Variants in FOXN3 observed in about 807,000 individuals in gnomAD.
The protein encoded by FOXN3 is forkhead box N3, also known as forkhead box protein N3.
In FOXN3, 7 loss-of-function variants were observed where a neutral mutation model predicts 38.4. The ratio of observed to expected loss-of-function variants is 0.18; its 90% CI spans 0.10 to 0.34. FOXN3 has a LOEUF of 0.34. Among genes scored for constraint, FOXN3 ranks in the 10% least tolerant of loss-of-function variants. FOXN3 has a pLI of 1.00. For synonymous variants in FOXN3, 230 were observed against 242.2 expected (o/e 0.95, Z 0.47); for missense variants, 456 against 613.4 (o/e 0.74, Z 2.71).
chr14:89,333,510 T>G (rs1478595878), intron 3 of FOXN3, among the ~76,000 whole-genome samples: 1 of 150,788 alleles, frequency 6.6e-6, no homozygotes, highest in Non-Finnish European at 1.5e-5. Flanking sequence ...GTGTGGTGGC[T>G]CATGCCTGTA....
intron 1 of FOXN3, among the ~76,000 whole-genome samples, chr14:89,482,680 G>A (rs879633406): frequency 5.3e-5 from 8 of 151,980 alleles, no homozygotes; most frequent in East Asian, 3.8e-4. Context: ...AGGCTGAGGC[G>A]GGTGGATCAC....
intron 4 of FOXN3, among the ~76,000 whole-genome samples, chr14:89,217,760 A>G (rs1441365879): frequency 6.6e-6 from 1 of 152,136 alleles, no homozygotes; most frequent in Non-Finnish European, 1.5e-5. Context: ...GTCCCAACAA[A>G]CTACCAAAGG....
intron 1 of FOXN3, among the ~76,000 whole-genome samples, chr14:89,473,984 A>C (rs1893160882): frequency 6.6e-6 from 1 of 152,250 alleles, no homozygotes; most frequent in South Asian, 2.1e-4. Context: ...ACATCAAAAC[A>C]CATATGTCTT....
chr14:89,503,904 G>A (rs745342694), intron 1 of FOXN3, among the ~76,000 whole-genome samples: 4 of 152,192 alleles, frequency 2.6e-5, no homozygotes, highest in Non-Finnish European at 5.9e-5. Flanking sequence ...CAGATGCGAC[G>A]CCATGAAACA....
At chr14:89,190,815 G>T (rs757180125) in intron 4 of FOXN3, among the ~76,000 whole-genome samples, 3 of 152,144 alleles carry the variant, frequency 2.0e-5, no homozygotes, top group Admixed American at 6.5e-5. Flanking sequence ...TCAGCCATAT[G>T]AATCTTTAAT....
At chr14:89,530,119 T>C (rs149219912) in intron 1 of FOXN3, among the ~76,000 whole-genome samples, 1,785 of 152,138 alleles carry the variant, frequency 0.012, 35 homozygotes, top group African/African-American at 0.04. Flanking sequence ...TTTGTATTTT[T>C]AGTAGAGACA....
chr14:89,375,572 G>C (rs1009507750), intron 2 of FOXN3, among the ~76,000 whole-genome samples: 2 of 151,978 alleles, frequency 1.3e-5, no homozygotes, highest in African/African-American at 2.4e-5. Context: ...GCACATTATA[G>C]AATAAAGCAA....
chr14:89,326,048 A>G (rs370714232), intron 3 of FOXN3, among the ~76,000 whole-genome samples: 2 of 152,212 alleles, frequency 1.3e-5, no homozygotes, highest in Non-Finnish European at 2.9e-5. Context: ...GAACACTTTT[A>G]TCAATGATGT....
At chr14:89,510,711 G>A (rs1174452891) in intron 1 of FOXN3, among the ~76,000 whole-genome samples, 2 of 152,190 alleles carry the variant, frequency 1.3e-5, no homozygotes, top group Non-Finnish European at 2.9e-5. Flanking sequence ...GGAGGCCGAG[G>A]CCAGCAGATC....
chr14:89,406,850 A>T (rs1891401785), intron 2 of FOXN3, among the ~76,000 whole-genome samples: 1 of 152,110 alleles, frequency 6.6e-6, no homozygotes, highest in Non-Finnish European at 1.5e-5. Flanking sequence ...ACTGCATTCT[A>T]CTTCTCATTT....
intron 4 of FOXN3, among the ~76,000 whole-genome samples, chr14:89,235,011 C>T (rs1884939727): frequency 6.6e-6 from 1 of 152,168 alleles, no homozygotes; most frequent in Non-Finnish European, 1.5e-5. Context: ...CTTTTGTCTG[C>T]TCCCTGATGA....
intron 4 of FOXN3, among the ~76,000 whole-genome samples, chr14:89,268,433 T>A (rs149401452): frequency 6.6e-6 from 1 of 152,328 alleles, no homozygotes; most frequent in East Asian, 1.9e-4. Context: ...TGCTGTATAC[T>A]TAGTTTAACT....
At chr14:89,333,988 A>ATATATATCTATATC (rs1566959325) in intron 3 of FOXN3, among the ~76,000 whole-genome samples, 1 of 83,766 alleles carries the variant, frequency 1.2e-5, no homozygotes, top group African/African-American at 3.6e-5. Context: ...ATATATATAT[A>ATATATATCTATATC]TATATATATA....
chr14:89,370,201 GT>G (rs1890275543), intron 2 of FOXN3, among the ~76,000 whole-genome samples: 1 of 152,214 alleles, frequency 6.6e-6, no homozygotes. Flanking sequence ...AAAATCATCT[GT>G]TTGTACACCA....
At chr14:89,417,364 C>A (rs2140103133), upstream of FOXN3, 1 of 147,540 alleles carries the variant, frequency 6.8e-6, no homozygotes, top group Admixed American at 6.7e-5. Flanking sequence ...GGGGCACTGA[C>A]CCGCCGGGGC....
intron 1 of FOXN3, among the ~76,000 whole-genome samples, chr14:89,415,545 G>C (rs949193325): frequency 2.2e-5 from 3 of 138,508 alleles, no homozygotes; most frequent in Non-Finnish European, 3.0e-5. Context: ...TATACCAACA[G>C]GGTGAAGAGC....
intron 1 of FOXN3, among the ~76,000 whole-genome samples, chr14:89,496,718 T>C (rs905975869): frequency 6.6e-6 from 1 of 152,208 alleles, no homozygotes; most frequent in East Asian, 1.9e-4. Context: ...ATATTCATAA[T>C]GACATGCAAC....
chr14:89,276,808 A>G (rs1176188105), intron 4 of FOXN3, among the ~76,000 whole-genome samples: 2 of 152,224 alleles, frequency 1.3e-5, no homozygotes, highest in Non-Finnish European at 2.9e-5. Context: ...TCCTCTCTGA[A>G]CAAAACTCCG....
At chr14:89,168,994 T>A (rs1325367247) in intron 5 of FOXN3, among the ~76,000 whole-genome samples, 1 of 152,206 alleles carries the variant, frequency 6.6e-6, no homozygotes, top group African/African-American at 2.4e-5. Context: ...CACTAACTTC[T>A]AAGGGTAAGG....
Sources: allele counts gnomAD v4.1 joint callset (sites outside exome capture counted in the v4.1 genomes callset), GRCh38; gene constraint gnomAD v4.1.1; transcripts MANE v1.5; gene names NCBI Gene and HGNC (gene_info 2026-07-23, HGNC 2026-07-21).